The following SLC9A4 variants were observed in gnomAD, a reference collection of about 807,000 sequenced individuals.
SLC9A4 encodes the protein solute carrier family 9 member A4, also known as sodium/hydrogen exchanger 4.
A neutral mutation model predicts 67.4 loss-of-function variants in SLC9A4; 63 were observed. The observed-to-expected ratio is 0.93, with a 90% CI of 0.76 to 1.15. SLC9A4 has a LOEUF of 1.15. Among genes scored for constraint, SLC9A4 ranks in the 50% most tolerant of loss-of-function variants. SLC9A4 has a pLI of 0.00. For missense variants in SLC9A4, 1,089 were observed against 987.7 expected (o/e 1.10, Z -1.38); for synonymous variants, 393 against 367.2 (o/e 1.07, Z -0.80).
At chr2:102,475,825 T>A (rs1465915359) in intron 1 of SLC9A4, among the ~76,000 whole-genome samples, 1 of 152,202 alleles carries the variant, frequency 6.6e-6, no homozygotes, top group Non-Finnish European at 1.5e-5. Context: ...TATAAGGGCT[T>A]GTTTACTAGG....
chr2:102,475,576 C>A (rs139098195), intron 1 of SLC9A4, among the ~76,000 whole-genome samples: 1 of 152,228 alleles, frequency 6.6e-6, no homozygotes, highest in East Asian at 1.9e-4. Context: ...TGTGAAAATA[C>A]GATTATTCAT....
chr2:102,530,403 C>T (rs367952588), intron 11 of SLC9A4, among the ~76,000 whole-genome samples: 4 of 152,170 alleles, frequency 2.6e-5, no homozygotes, highest in Non-Finnish European at 4.4e-5. Flanking sequence ...GAGAGTTATG[C>T]GAAAAGGACA....
chr2:102,498,652 A>T (rs1684859289), intron 2 of SLC9A4, among the ~76,000 whole-genome samples: 1 of 152,170 alleles, frequency 6.6e-6, no homozygotes, highest in African/African-American at 2.4e-5. Flanking sequence ...AGGCCTTCTA[A>T]GACCCATATG....
chr2:102,473,679 A>G lies in SLC9A4; in HGVS notation c.-81A>G, dbSNP rs1684267818. 2 of 1,545,908 alleles carry G rather than the reference A, an allele frequency of 1.3e-6. No individual in the cohort carries two copies. Among genetic ancestry groups the G allele is most frequent in the African/African-American group, 1.4e-5 (1 of 73,352 alleles). ...TATTACTTTTGACCCAGGTGGATGC[A>G]GTCACTCTCTAGAAGCCTCCCCGAC... On this transcript the variant is annotated 5_prime_UTR_variant, in exon 1 of 12. Transcript: ENST00000295269.
chr2:102,508,425 TGTTTG>T, intron 5 of SLC9A4, 144 bp downstream of exon 5: 1 of 768,190 alleles, frequency 1.3e-6, no homozygotes, highest in African/African-American at 1.8e-5. Flanking sequence ...TTCTAGATCA[TGTTTG>T]TGACCATCCT....
In SLC9A4 at chr2:102,512,235, T is replaced by C; in HGVS notation, c.1521T>C (p.Asp507=). ...LMDHLKAGIE[D]VCGHWSHYQV... ...ATCACTTAAAGGCTGGAATCGAAGA[T>C]GTGTGTGGGCACTGGAGTCACTACC... Residue 507 remains aspartate, a synonymous_variant, in exon 7 of 12, where the codon GAT becomes GAC. Transcript: ENST00000295269. 1 of 1,614,110 alleles carries C rather than the reference T, an allele frequency of 6.2e-7. No individual in the cohort carries two copies.
rs555241342 is a variant in SLC9A4 at position 102,488,610 on chromosome 2, G to A, written c.720+9308G>A. Among the ~76,000 whole-genome samples the A allele has an allele frequency of 8.7e-5, 13 of 149,350 alleles. No homozygotes were observed. The South Asian group carries it at 1.5e-3, about 17-fold the overall frequency. Reference sequence around the variant, plus strand: ...GTTGCCCAGGCTGGAGTGCAGTGGCGCGATCTCAGCTCACTGTAAGCTCTG... The same window carrying A: ...GTTGCCCAGGCTGGAGTGCAGTGGCACGATCTCAGCTCACTGTAAGCTCTG... On this transcript the variant is annotated intron_variant, in intron 2 of 11. Transcript: ENST00000295269.
At chr2:102,522,617 G>GCACA (rs149892741) in intron 9 of SLC9A4, among the ~76,000 whole-genome samples, 1 of 150,504 alleles carries the variant, frequency 6.6e-6, no homozygotes. Flanking sequence ...ATACAAACAT[G>GCACA]CACACACACA....
At chr2:102,509,845 T>C (rs1685125054) in intron 6 of SLC9A4, among the ~76,000 whole-genome samples, 1 of 152,132 alleles carries the variant, frequency 6.6e-6, no homozygotes, top group South Asian at 2.1e-4. Context: ...TTCAAAAAAC[T>C]ATGGAGATAA....
intron 6 of SLC9A4, 54 bp downstream of exon 6, chr2:102,508,987 C>G: frequency 6.8e-7 from 1 of 1,464,016 alleles, no homozygotes; most frequent in Non-Finnish European, 9.5e-7. Context: ...TCCCCTTTGT[C>G]ACCATGAGAC....
intron 3 of SLC9A4, 57 bp from the exon 4 acceptor site, chr2:102,505,197 G>A (rs1170621610): frequency 1.0e-5 from 16 of 1,548,560 alleles, no homozygotes; most frequent in South Asian, 2.3e-5. Context: ...TGGGGAGGGC[G>A]TTTTGTGGAG....
intron 8 of SLC9A4, among the ~76,000 whole-genome samples, chr2:102,518,402 G>A (rs188073109): frequency 6.6e-6 from 1 of 152,308 alleles, no homozygotes; most frequent in East Asian, 1.9e-4. Flanking sequence ...TTGTGGAAGT[G>A]TGTGGGCATA....
intron 10 of SLC9A4, 53 bp from the exon 11 acceptor site, chr2:102,526,206 G>A (rs899824713): frequency 9.6e-6 from 15 of 1,570,438 alleles, no homozygotes; most frequent in Admixed American, 8.4e-5. Flanking sequence ...GCCATGTGAA[G>A]CTCTTAATTG....
chr2:102,475,822 G>A (rs1253851429), intron 1 of SLC9A4, among the ~76,000 whole-genome samples: 6 of 152,032 alleles, frequency 3.9e-5, no homozygotes. Context: ...ATGTATAAGG[G>A]CTTGTTTACT....
At chr2:102,528,117 C>T (rs1463708172) in intron 11 of SLC9A4, among the ~76,000 whole-genome samples, 1 of 152,138 alleles carries the variant, frequency 6.6e-6, no homozygotes, top group African/African-American at 2.4e-5. Flanking sequence ...AAGCGATTCT[C>T]CTGGCTCAGC....
At chr2:102,510,649 A>C (rs1472980522) in intron 6 of SLC9A4, among the ~76,000 whole-genome samples, 1 of 152,240 alleles carries the variant, frequency 6.6e-6, no homozygotes, top group Non-Finnish European at 1.5e-5. Flanking sequence ...TGATACCTCA[A>C]AATACTATCA....
rs748988940 is a variant in SLC9A4, at chr2:102,508,876, C to A, written c.1431C>A (p.Tyr477Ter). 1 of 1,613,138 alleles carries A rather than the reference C, an allele frequency of 6.2e-7. No individual in the cohort carries two copies. Among genetic ancestry groups the A allele is most frequent in the Non-Finnish European group, 8.5e-7 (1 of 1,179,704 alleles). The change falls in exon 6 of 12, where the codon TAC becomes TAA. Residue 477 changes from tyrosine (Y) to a stop codon, truncating the protein, a stop_gained. Coordinates refer to ENST00000295269, the MANE Select transcript of SLC9A4 (RefSeq NM_001011552.4). LOFTEE classifies it high-confidence loss of function. ...QGITVGPLVR[Y>*]LDVKKTNKKE... ...TCACAGTTGGCCCTCTGGTCAGGTA[C>A]CTGGATGTTAAAAAAACCAATAAAA...
chr2:102,482,018 C>G (rs76210641), intron 2 of SLC9A4, among the ~76,000 whole-genome samples: 1 of 152,132 alleles, frequency 6.6e-6, no homozygotes, highest in African/African-American at 2.4e-5. Context: ...AGCCGGACGT[C>G]AAATCATTTA....
chr2:102,480,577 G>A (rs7607856), intron 2 of SLC9A4, among the ~76,000 whole-genome samples: 14,203 of 152,152 alleles, frequency 0.093, 808 homozygotes, highest in Middle Eastern at 0.18. Flanking sequence ...ATTCTTACAA[G>A]CAATGTTGAA....
Sources: allele counts gnomAD v4.1 joint callset (sites outside exome capture counted in the v4.1 genomes callset), GRCh38; gene constraint gnomAD v4.1.1; transcripts MANE v1.5; gene names NCBI Gene and HGNC (gene_info 2026-07-23, HGNC 2026-07-21).